The following ADGRB3 variants were observed in gnomAD, a reference collection of about 807,000 sequenced individuals.
The protein encoded by ADGRB3 is brain-specific angiogenesis inhibitor 3.
In ADGRB3, 37 loss-of-function variants were observed where a neutral mutation model predicts 193.4. The observed-to-expected ratio is 0.19, with a 90% CI of 0.15 to 0.25. The LOEUF (loss-of-function observed/expected upper bound fraction) is 0.25. Among genes scored for constraint, ADGRB3 ranks in the 10% least tolerant of loss-of-function variants. The pLI, the probability that ADGRB3 is intolerant of heterozygous loss-of-function variation, is 1.00. For synonymous variants in ADGRB3, 690 were observed against 644.2 expected (o/e 1.07, Z -1.08); for missense variants, 1,637 against 1,852.9 (o/e 0.88, Z 2.14).
At chr6:69,246,025 T>G (rs371852866) in intron 20 of ADGRB3, among the ~76,000 whole-genome samples, 1 of 152,240 alleles carries the variant, frequency 6.6e-6, no homozygotes, top group African/African-American at 2.4e-5. Flanking sequence ...CAGCTAATAG[T>G]GATAGATTAT....
At chr6:69,297,388 C>A (rs957676548) in intron 20 of ADGRB3, among the ~76,000 whole-genome samples, 9 of 129,720 alleles carry the variant, frequency 6.9e-5, no homozygotes, top group African/African-American at 1.0e-4. Context: ...CTCTCTCTCT[C>A]TCTATCTCTC....
At position 69,004,450 on chromosome 6, in the gene ADGRB3, C is replaced by A. The variant is rs541629070; in HGVS notation, c.1930-9588C>A. 4.9e-4 allele frequency among the ~76,000 whole-genome samples: 74 copies of A among 151,502 alleles called. 1 individual carries two copies. The highest frequency in any genetic ancestry group is 6.8e-3 in the Middle Eastern group (2 of 294). On this transcript the variant is annotated intron_variant, in intron 11 of 31. Transcript: ENST00000370598. The stretch of plus-strand genomic sequence containing the variant: ...TTATTATACTTTAAGTTCTAGGGTA[C>A]ATGTGCACAACGTGCAGGTTTGTTA...
At chr6:69,002,339 C>G (rs965284102) in intron 11 of ADGRB3, among the ~76,000 whole-genome samples, 1 of 151,698 alleles carries the variant, frequency 6.6e-6, no homozygotes, top group Non-Finnish European at 1.5e-5. Context: ...CTGCCTCAGC[C>G]TTTTGAATAG....
At position 68,779,429 on chromosome 6, in the gene ADGRB3, G is replaced by A. The variant is rs151029681; in HGVS notation, c.757+139997G>A. On this transcript the variant is annotated intron_variant, in intron 3 of 31. Coordinates refer to ENST00000370598, the MANE Select transcript of ADGRB3 (RefSeq NM_001704.3). The stretch of plus-strand genomic sequence containing the variant: ...CATATGATGCTGCCTGGGCAACATG[G>A]GGTCACTGAAGATCTGGAAGCCCTG... Among the ~76,000 whole-genome samples the A allele has an allele frequency of 1.2e-4, 18 of 152,060 alleles. No individual in the cohort carries two copies. The East Asian group carries it at 3.5e-3, about 29-fold the overall frequency.
chr6:69,130,691 GT>G (rs899678860), intron 17 of ADGRB3, among the ~76,000 whole-genome samples: 3 of 151,486 alleles, frequency 2.0e-5, no homozygotes, highest in African/African-American at 7.3e-5. Context: ...GTTTCTTGGG[GT>G]TTTTTCTAAG....
chr6:68,650,838 A>T (rs1005151641), intron 3 of ADGRB3, among the ~76,000 whole-genome samples: 8 of 152,092 alleles, frequency 5.3e-5, no homozygotes, highest in African/African-American at 1.9e-4. Context: ...AGAGGAAAAG[A>T]AGTAACTGAA....
intron 8 of ADGRB3, among the ~76,000 whole-genome samples, chr6:68,963,236 G>A (rs1256525212): frequency 2.6e-5 from 4 of 152,086 alleles, no homozygotes; most frequent in African/African-American, 7.2e-5. Flanking sequence ...TTATAAAATA[G>A]GGATAATAAT....
At chr6:69,054,034 A>C (rs2150304258) in intron 15 of ADGRB3, among the ~76,000 whole-genome samples, 1 of 152,312 alleles carries the variant, frequency 6.6e-6, no homozygotes, top group Non-Finnish European at 1.5e-5. Flanking sequence ...AGACATGAAA[A>C]ATGTAGTCCC....
chr6:68,940,373 T>G (rs1333402495), intron 5 of ADGRB3, among the ~76,000 whole-genome samples: 1 of 151,818 alleles, frequency 6.6e-6, no homozygotes, highest in Non-Finnish European at 1.5e-5. Context: ...CTTTACTCAT[T>G]AGATGCCAGT....
At chr6:69,358,590 T>C (rs1159923560) in intron 28 of ADGRB3, among the ~76,000 whole-genome samples, 1 of 151,972 alleles carries the variant, frequency 6.6e-6, no homozygotes, top group African/African-American at 2.4e-5. Context: ...GAGTTGTCTG[T>C]CTATGTTGAA....
chr6:69,171,212 T>C (rs956178140), intron 17 of ADGRB3, among the ~76,000 whole-genome samples: 6 of 152,216 alleles, frequency 3.9e-5, no homozygotes, highest in African/African-American at 1.2e-4. Flanking sequence ...CTAGCTAGTT[T>C]TCGAATGCTC....
At chr6:69,012,984 A>C (rs562049407) in intron 11 of ADGRB3, among the ~76,000 whole-genome samples, 1 of 152,122 alleles carries the variant, frequency 6.6e-6, no homozygotes, top group African/African-American at 2.4e-5. Flanking sequence ...GTCAGACGAG[A>C]TGGGTTCTGA....
At chr6:69,036,691 G>C (rs1485109121) in intron 13 of ADGRB3, among the ~76,000 whole-genome samples, 1 of 152,090 alleles carries the variant, frequency 6.6e-6, no homozygotes, top group African/African-American at 2.4e-5. Flanking sequence ...CCATGGATAA[G>C]TACAAGGAAA....
chr6:68,743,731 C>T (rs1389412145), intron 3 of ADGRB3, among the ~76,000 whole-genome samples: 1 of 152,030 alleles, frequency 6.6e-6, no homozygotes, highest in Non-Finnish European at 1.5e-5. Flanking sequence ...TTTACACCAA[C>T]AAGTAAATTT....
At chr6:68,731,295 A>T (rs992070715) in intron 3 of ADGRB3, among the ~76,000 whole-genome samples, 17 of 151,458 alleles carry the variant, frequency 1.1e-4, no homozygotes, top group African/African-American at 3.1e-4. Context: ...TATTGTAAAC[A>T]TTTTTTTTCC....
intron 16 of ADGRB3, among the ~76,000 whole-genome samples, chr6:69,066,891 A>C (rs1019615149): frequency 1.3e-5 from 2 of 152,120 alleles, no homozygotes; most frequent in African/African-American, 2.4e-5. Context: ...CAATGAGTAG[A>C]TCCCTATGTA....
Position 68,936,606 on chromosome 6 carries a change from T to C in ADGRB3, c.956T>C (p.Val319Ala). The C allele has an allele frequency of 6.2e-7, 1 of 1,614,004 alleles. No homozygotes were observed. Among genetic ancestry groups the C allele is most frequent in the Middle Eastern group, 1.7e-4 (1 of 6,040 alleles). Residue 319 changes from valine (V) to alanine (A), a missense_variant, in exon 5 of 32, where the codon GTA becomes GCA. Physicochemically the swap from Val to Ala is moderately conservative, Grantham distance 64. Transcript: ENST00000370598. Reference protein sequence around the residue: ...QGSQVRTRTCVSPYGTHCSGP... With the variant: ...QGSQVRTRTCASPYGTHCSGP... The stretch of plus-strand genomic sequence containing the variant: ...TCGCAGGTGCGAACCAGAACTTGTG[T>C]ATCACCTTACGGGACACACTGCAGC...
At chr6:68,781,375 G>A (rs1431447108) in intron 3 of ADGRB3, among the ~76,000 whole-genome samples, 4 of 152,080 alleles carry the variant, frequency 2.6e-5, no homozygotes, top group Non-Finnish European at 4.4e-5. Flanking sequence ...AAGCTAACTT[G>A]TTCCTTCACA....
At chr6:69,111,670 C>T (rs942484082) in intron 17 of ADGRB3, among the ~76,000 whole-genome samples, 1 of 152,138 alleles carries the variant, frequency 6.6e-6, no homozygotes, top group South Asian at 2.1e-4. Flanking sequence ...GTTCAGTTTT[C>T]TGGACATGAA....
Sources: gnomAD v4.1 joint callset for allele counts (sites outside exome capture counted in the v4.1 genomes callset) on GRCh38, gnomAD v4.1.1 for gene constraint, MANE v1.5 for transcripts, NCBI Gene and HGNC (gene_info 2026-07-23, HGNC 2026-07-21) for gene names.